TMEM260: variants seen among roughly 807,000 people sequenced by gnomAD.
TMEM260 encodes protein O-mannosyl-transferase TMEM260.
In TMEM260, 82 loss-of-function variants were observed where a neutral mutation model predicts 88.9. The observed-to-expected ratio is 0.92, with a 90% CI of 0.77 to 1.11. The LOEUF (loss-of-function observed/expected upper bound fraction) is 1.11. Among genes scored for constraint, TMEM260 ranks in the 50% least tolerant of loss-of-function variants. The pLI, the probability that TMEM260 is intolerant of heterozygous loss-of-function variation, is 0.00. For missense variants in TMEM260, 902 were observed against 853.4 expected, an observed-to-expected ratio of 1.06 and a Z score of -0.71; for synonymous variants, 314 against 309.3, an observed-to-expected ratio of 1.02 and a Z score of -0.16.
chr14:56,600,314 T>A (rs1886497277), intron 3 of TMEM260, among the ~76,000 whole-genome samples: 1 of 152,170 alleles, frequency 6.6e-6, no homozygotes, highest in African/African-American at 2.4e-5. Flanking sequence ...CATTTTATTT[T>A]CAGAATTTTT....
At position 56,605,545 on chromosome 14, in the gene TMEM260, ATTTTT is replaced by A; in HGVS notation, c.523-18_523-14del. The A allele has an allele frequency of 2.5e-6, 3 of 1,177,398 alleles. No homozygotes were observed. Among genetic ancestry groups the A allele is most frequent in the Non-Finnish European group, 3.5e-6 (3 of 853,938 alleles). The allele number at this position is 1,177,398 out of a possible 1,614,324, so 72.9% of individuals were successfully genotyped here. On this transcript the variant is annotated intron_variant, in intron 4 of 15. Coordinates refer to ENST00000261556, the MANE Select transcript of TMEM260 (RefSeq NM_017799.4). Reference sequence around the variant, plus strand: ...GAGTTTTAGGTGAATTTTTTACTTAATTTTTTTTTTTAATTTATTTTCAGGTAGCT... The same window carrying A: ...GAGTTTTAGGTGAATTTTTTACTTAATTTTTTAATTTATTTTCAGGTAGCT...
intron 3 of TMEM260, among the ~76,000 whole-genome samples, chr14:56,586,393 T>A (rs1480120632): frequency 2.0e-5 from 3 of 152,188 alleles, no homozygotes; most frequent in Non-Finnish European, 4.4e-5. Flanking sequence ...GATGTGGTTT[T>A]AGTAAGGTTT....
chr14:56,589,072 T>G (rs1477978727), intron 3 of TMEM260, among the ~76,000 whole-genome samples: 1 of 152,092 alleles, frequency 6.6e-6, no homozygotes, highest in Non-Finnish European at 1.5e-5. Flanking sequence ...AATGTCAAAC[T>G]AGGTCTTATT....
rs1176057737 is a variant in TMEM260 at position 56,579,864 on chromosome 14, C to T, written c.-51C>T. ...CTCTCGGCTGGGGAGCTCCGTGTCG[C>T]ACCGGGTTCTTGGGCTGGCCGTGTC... On this transcript the variant is annotated 5_prime_UTR_variant, in exon 1 of 16. Transcript: ENST00000261556. 1.6e-6 allele frequency: 2 copies of T among 1,229,660 alleles called. No individual in the cohort carries two copies. The highest frequency in any genetic ancestry group is 2.0e-6 in the Non-Finnish European group (2 of 986,190). The allele number at this position is 1,229,660 out of a possible 1,614,324, so 76.2% of individuals were successfully genotyped here. A position where few individuals can be genotyped will look rare whatever the true frequency, so the allele number is the denominator to read the frequency against.
intron 12 of TMEM260, among the ~76,000 whole-genome samples, chr14:56,629,648 T>G (rs982973133): frequency 6.6e-6 from 1 of 152,244 alleles, no homozygotes; most frequent in African/African-American, 2.4e-5. Context: ...TTAGTTTTCC[T>G]TTATCTGAAA....
chr14:56,625,433 G>A lies in TMEM260; in HGVS notation c.1450G>A (p.Val484Ile). 1.9e-6 allele frequency: 3 copies of A among 1,613,932 alleles called. No individual in the cohort carries two copies. The highest frequency in any genetic ancestry group is 2.5e-6 in the Non-Finnish European group (3 of 1,179,904). The change falls in exon 12 of 16, where the codon GTC (valine) becomes ATC (isoleucine). Residue 484 changes from valine (V) to isoleucine (I), a missense_variant. By Grantham distance (29) the Val-to-Ile change is conservative. Coordinates refer to ENST00000261556, the MANE Select transcript of TMEM260 (RefSeq NM_017799.4). Reference protein sequence around the residue: ...LPKMAKHLPGVNFPGNRWNPV... With the variant: ...LPKMAKHLPGINFPGNRWNPV... ...CAAGATGGCAAAGCACTTGCCAGGT[G>A]TCAACTTTCCTGGGAACCGGTGGAA...
In TMEM260 at chr14:56,633,033, A is replaced by AAT. The variant is rs1566568123; in HGVS notation, c.1586_1587insAT (p.Asp529GlufsTer20). ...GTTTGCATAGGAATTCATGAAGGCGACCCAACCTGGAAAAAGAACTATTCA... is the reference window on the plus strand; with the variant it reads ...GTTTGCATAGGAATTCATGAAGGCGAATCCCAACCTGGAAAAAGAACTATTCA... On this transcript the variant is annotated frameshift_variant, in exon 13 of 16. Coordinates refer to ENST00000261556, the MANE Select transcript of TMEM260 (RefSeq NM_017799.4). LOFTEE classifies it high-confidence loss of function. 4 of 1,613,816 alleles carry AAT rather than the reference A, an allele frequency of 2.5e-6. No individual in the cohort carries two copies. The highest frequency in any genetic ancestry group is 3.4e-6 in the Non-Finnish European group (4 of 1,179,964).
Position 56,633,067 on chromosome 14 carries a change from A to G in TMEM260, c.1620A>G (p.Pro540=), listed in dbSNP as rs1257188308. The G allele has an allele frequency of 6.2e-6, 10 of 1,613,896 alleles. No homozygotes were observed. The highest frequency in any genetic ancestry group is 4.0e-5 in the African/African-American group (3 of 74,936). Residue 540 remains proline (P), a synonymous_variant, in exon 13 of 16, where the codon CCA becomes CCG. Transcript: ENST00000261556. ...GGAAAAAGAACTATTCACTTTGGCCATGGGGGTCTTGTGACAAATTAGTTC... is the reference window on the plus strand; with the variant it reads ...GGAAAAAGAACTATTCACTTTGGCCGTGGGGGTCTTGTGACAAATTAGTTC... ...PTWKKNYSLW[P]WGSCDKLVPL... is the part of the protein sequence containing the mutation.
chr14:56,642,530 G>A lies in TMEM260; in HGVS notation c.1870-4713G>A, dbSNP rs181622261. 2.2e-3 allele frequency among the ~76,000 whole-genome samples: 332 copies of A among 152,164 alleles called. 6 individuals are homozygous for A. Among genetic ancestry groups the A allele is most frequent in the Admixed American group, 0.019 (291 of 15,276 alleles). On this transcript the variant is annotated intron_variant, in intron 15 of 15. Transcript: ENST00000261556. ...AGCAGTGTGTGGAGGGAAATTTATAGCACTAAATACCCACAAGAGAAAGCA... is the reference window on the plus strand; with the variant it reads ...AGCAGTGTGTGGAGGGAAATTTATAACACTAAATACCCACAAGAGAAAGCA...
rs776274944 is a variant in TMEM260 at position 56,634,917 on chromosome 14, G to A, written c.1743G>A (p.Trp581Ter). 6.2e-7 allele frequency: 1 copy of A among 1,613,866 alleles called. No homozygotes were observed. Among genetic ancestry groups the A allele is most frequent in the East Asian group, 2.2e-5 (1 of 44,888 alleles). ...ACTACAGGTTTGATCCATCTTCTTGGGAATCTGTGGCCAATGAAGAAATGT... is the reference window on the plus strand; with the variant it reads ...ACTACAGGTTTGATCCATCTTCTTGAGAATCTGTGGCCAATGAAGAAATGT... ...EEYGRFDPSS[W>*]ESVANEEMWQ... is the part of the protein sequence containing the mutation. Residue 581 changes from tryptophan (W) to a stop codon, truncating the protein, a stop_gained, in exon 14 of 16, where the codon TGG becomes TGA. Coordinates refer to ENST00000261556, the MANE Select transcript of TMEM260 (RefSeq NM_017799.4). LOFTEE classifies it high-confidence loss of function.
rs377553958 is a variant in TMEM260 at position 56,593,788 on chromosome 14, C to T, written c.344+7876C>T. 1.6e-4 allele frequency among the ~76,000 whole-genome samples: 23 copies of T among 146,146 alleles called. No homozygotes were observed. In the East Asian group the frequency reaches 3.3e-3, roughly 21 times the overall value. On this transcript the variant is annotated intron_variant, in intron 3 of 15. Coordinates refer to ENST00000261556, the MANE Select transcript of TMEM260 (RefSeq NM_017799.4). ...CTGCAAGCTCCGCTTCCCGGGTTCA[C>T]GCCATTCTCCTGCCTCAGCCTCCCG... is the stretch of plus-strand genomic sequence containing the variant.
chr14:56,633,189 AT>A lies in TMEM260; in HGVS notation c.1724+22del. 1 of 1,595,518 alleles carries A rather than the reference AT, an allele frequency of 6.3e-7. No individual in the cohort carries two copies. The highest frequency in any genetic ancestry group is 8.5e-7 in the Non-Finnish European group (1 of 1,170,886). On this transcript the variant is annotated intron_variant, in intron 13 of 15. Coordinates refer to ENST00000261556, the MANE Select transcript of TMEM260 (RefSeq NM_017799.4). ...TATGGAAGGTATGAACAGCAGTTGT[AT>A]TTTGATGCATATAAACATAGCAGTT...
At chr14:56,621,780 ATGG>A (rs1218167387) in intron 11 of TMEM260, 78 bp downstream of exon 11, 5 of 1,261,334 alleles carry the variant, frequency 4.0e-6, no homozygotes, top group East Asian at 2.5e-5. Context: ...CTTTTTTAAA[ATGG>A]TGGACGGGTA....
At chr14:56,657,001 G>A in the TMEM260 span, among the ~76,000 whole-genome samples, 5 of 152,156 alleles carry the variant, frequency 3.3e-5, no homozygotes, top group African/African-American at 1.2e-4. Context: ...CCACCTGGAA[G>A]CAGGCATCTA....
intron 11 of TMEM260, among the ~76,000 whole-genome samples, chr14:56,623,276 G>T (rs1401689389): frequency 6.6e-6 from 1 of 152,186 alleles, no homozygotes; most frequent in Admixed American, 6.5e-5. Flanking sequence ...GTTCAGGGAC[G>T]TCAGTTTCTG....
intron 1 of TMEM260, 115 bp downstream of exon 1, chr14:56,580,189 C>A: frequency 2.4e-6 from 2 of 827,682 alleles, no homozygotes; most frequent in Non-Finnish European, 1.6e-6. Context: ...GGGCCTCCAT[C>A]CACCCCCCTG....
chr14:56,612,119 C>T (rs1887317390), intron 6 of TMEM260, 126 bp from the exon 7 acceptor site: 2 of 868,462 alleles, frequency 2.3e-6, no homozygotes, highest in Non-Finnish European at 3.8e-6. Flanking sequence ...GTAGAGGTAC[C>T]CCGAAACCTA....
rs556950044 is a variant in TMEM260 at position 56,638,045 on chromosome 14, G to A, written c.1869+1447G>A. Among the ~76,000 whole-genome samples, 15 of 152,200 alleles carry A rather than the reference G, an allele frequency of 9.9e-5. No individual in the cohort carries two copies. The South Asian group carries it at 1.9e-3, about 19-fold the overall frequency. Reference sequence around the variant, plus strand: ...GAAGGCTTCCAGAGAGGATGTCATTGGAGTGTCATCTTGAAAGATCAGAAG... The same window carrying A: ...GAAGGCTTCCAGAGAGGATGTCATTAGAGTGTCATCTTGAAAGATCAGAAG... On this transcript the variant is annotated intron_variant, in intron 15 of 15. Coordinates refer to ENST00000261556, the MANE Select transcript of TMEM260 (RefSeq NM_017799.4).
the TMEM260 span, among the ~76,000 whole-genome samples, chr14:56,662,206 C>T: frequency 6.6e-6 from 1 of 152,178 alleles, no homozygotes; most frequent in Non-Finnish European, 1.5e-5. Context: ...ATCTTTCCGC[C>T]AGAAGCTATA....
Sources: gnomAD v4.1 joint callset for allele counts (sites outside exome capture counted in the v4.1 genomes callset) on GRCh38, gnomAD v4.1.1 for gene constraint, MANE v1.5 for transcripts, NCBI Gene and HGNC (gene_info 2026-07-23, HGNC 2026-07-21) for gene names.